GRIK1: variants seen among roughly 807,000 people sequenced by gnomAD.
The protein encoded by GRIK1 is glutamate ionotropic receptor kainate type subunit 1, also known as glutamate receptor ionotropic, kainate 1.
A neutral mutation model predicts 105.7 loss-of-function variants in GRIK1; 69 were observed. The observed-to-expected ratio is 0.65, with a 90% confidence interval of 0.54 to 0.80. The LOEUF is 0.80. Ranked by LOEUF, GRIK1 falls within the 30% of genes least tolerant of loss-of-function variation. GRIK1 has a pLI of 0.00. For missense variants in GRIK1, 1,109 were observed against 1,167.3 expected, an observed-to-expected ratio of 0.95 and a Z score of 0.73; for synonymous variants, 438 against 431.3, an observed-to-expected ratio of 1.02 and a Z score of -0.19.
chr21:29,588,211 T>G (rs921618372), intron 11 of GRIK1, among the ~76,000 whole-genome samples: 1 of 152,038 alleles, frequency 6.6e-6, no homozygotes, highest in Non-Finnish European at 1.5e-5. Context: ...CCTGACCTTG[T>G]GATCCGCCTG....
At chr21:29,822,329 C>G (rs560913661) in intron 1 of GRIK1, among the ~76,000 whole-genome samples, 1 of 152,036 alleles carries the variant, frequency 6.6e-6, no homozygotes, top group South Asian at 2.1e-4. Flanking sequence ...GTTTCCTGAC[C>G]CTTGAATATT....
intron 14 of GRIK1, among the ~76,000 whole-genome samples, chr21:29,565,756 T>G (rs2090598144): frequency 6.6e-6 from 1 of 152,186 alleles, no homozygotes; most frequent in Non-Finnish European, 1.5e-5. Context: ...TTTCTATCAC[T>G]AGGCAACTGC....
At chr21:29,914,466 G>C (rs755380959) in intron 1 of GRIK1, among the ~76,000 whole-genome samples, 20 of 152,058 alleles carry the variant, frequency 1.3e-4, no homozygotes, top group Non-Finnish European at 2.6e-4. Context: ...TTAAGACTTG[G>C]GGCAATGGCA....
intron 1 of GRIK1, among the ~76,000 whole-genome samples, chr21:29,770,356 T>C (rs2065784295): frequency 6.6e-6 from 1 of 152,198 alleles, no homozygotes; most frequent in Admixed American, 6.5e-5. Context: ...TCTGCTTCCT[T>C]CCATATGTGA....
intron 1 of GRIK1, among the ~76,000 whole-genome samples, chr21:29,852,402 A>G (rs2068336349): frequency 1.3e-5 from 2 of 152,180 alleles, no homozygotes; most frequent in African/African-American, 4.8e-5. Flanking sequence ...ATTTCCCAAA[A>G]TTCAGACTAA....
chr21:29,878,234 C>A lies in GRIK1; in HGVS notation c.118+61149G>T, dbSNP rs147986999. Among the ~76,000 whole-genome samples, 649 of 152,076 alleles carry A rather than the reference C, an allele frequency of 4.3e-3. 4 individuals are homozygous for A. Among genetic ancestry groups the A allele is most frequent in the African/African-American group, 0.015 (619 of 41,482 alleles). On this transcript the variant is annotated intron_variant, in intron 1 of 17. Transcript: ENST00000327783. ...TGGTTTGTAGGTAGAAGACAGCAGG[C>A]AAAAGAGGTCACCTATAGCCTCAGC... is the stretch of plus-strand genomic sequence containing the variant.
intron 7 of GRIK1, among the ~76,000 whole-genome samples, chr21:29,631,742 T>C (rs1228783486): frequency 6.6e-6 from 1 of 152,250 alleles, no homozygotes; most frequent in African/African-American, 2.4e-5. Flanking sequence ...GATGACATTA[T>C]GAAATGCTAA....
intron 1 of GRIK1, among the ~76,000 whole-genome samples, chr21:29,815,411 G>A (rs2067129053): frequency 6.6e-6 from 1 of 152,154 alleles, no homozygotes; most frequent in African/African-American, 2.4e-5. Flanking sequence ...CACAGTGTCT[G>A]TCACCTTGTA....
chr21:29,653,570 A>C (rs761629773), intron 5 of GRIK1, among the ~76,000 whole-genome samples: 3 of 152,206 alleles, frequency 2.0e-5, no homozygotes, highest in Admixed American at 6.5e-5. Context: ...GGAGGTAGAA[A>C]GTTCCGAGGC....
intron 1 of GRIK1, among the ~76,000 whole-genome samples, chr21:29,778,105 A>G (rs757054058): frequency 6.6e-6 from 1 of 152,202 alleles, no homozygotes; most frequent in Non-Finnish European, 1.5e-5. Context: ...AAAAAACTTA[A>G]TATAGAACCT....
intron 1 of GRIK1, among the ~76,000 whole-genome samples, chr21:29,756,120 G>A (rs2065332143): frequency 1.3e-5 from 2 of 152,098 alleles, no homozygotes; most frequent in Admixed American, 6.5e-5. Flanking sequence ...GGTGGCTCAC[G>A]CCTGTAATCC....
intron 14 of GRIK1, among the ~76,000 whole-genome samples, chr21:29,572,607 T>C (rs1479456281): frequency 6.6e-6 from 1 of 152,216 alleles, no homozygotes; most frequent in South Asian, 2.1e-4. Context: ...AGACCGAGTT[T>C]CTACTCTCAT....
At chr21:29,625,654 T>G (rs2062107986) in intron 7 of GRIK1, among the ~76,000 whole-genome samples, 1 of 152,204 alleles carries the variant, frequency 6.6e-6, no homozygotes, top group Non-Finnish European at 1.5e-5. Context: ...TGTGACCAAA[T>G]GTATGCAAAT....
intron 1 of GRIK1, among the ~76,000 whole-genome samples, chr21:29,704,540 T>C (rs561764308): frequency 6.6e-6 from 1 of 152,320 alleles, no homozygotes; most frequent in African/African-American, 2.4e-5. Context: ...AATGCAATGA[T>C]TTGGTCATAG....
chr21:29,537,582 T>A, intron 17 of GRIK1, 197 bp from the exon 18 acceptor site: 1 of 668,564 alleles, frequency 1.5e-6, no homozygotes, highest in Non-Finnish European at 2.7e-6. Flanking sequence ...AGATGGCAAG[T>A]TAGCTGGGCA....
At position 29,560,354 on chromosome 21, in the gene GRIK1, T is replaced by C. The variant is rs1294964156; in HGVS notation, c.2356+1270A>G. Among the ~76,000 whole-genome samples, 178 of 103,166 alleles carry C rather than the reference T, an allele frequency of 1.7e-3. 3 individuals carry two copies. The highest frequency in any genetic ancestry group is 3.5e-3 in the East Asian group (13 of 3,728). 67.7% of individuals were successfully genotyped at this position (103,166 alleles called of 152,430 possible). A position where few individuals can be genotyped will look rare whatever the true frequency, so the allele number is the denominator to read the frequency against. The stretch of plus-strand genomic sequence containing the variant: ...TTCTTTCTTTCTTTCTTTCTTTCTT[T>C]CTTTTTCTTTCTTCCTTCCTTCCTT... On this transcript the variant is annotated intron_variant, in intron 15 of 17. Transcript: ENST00000327783.
chr21:29,824,441 A>C (rs8134856), intron 1 of GRIK1, among the ~76,000 whole-genome samples: 1,858 of 152,114 alleles, frequency 0.012, 36 homozygotes, highest in African/African-American at 0.043. Flanking sequence ...ATGAAAAGTT[A>C]AACATATAAA....
intron 4 of GRIK1, among the ~76,000 whole-genome samples, chr21:29,662,521 A>G (rs1042083207): frequency 6.6e-6 from 1 of 152,220 alleles, no homozygotes; most frequent in African/African-American, 2.4e-5. Flanking sequence ...TTGAATTATT[A>G]TCTACCCCAG....
chr21:29,938,391 G>T (rs375903352), intron 1 of GRIK1, among the ~76,000 whole-genome samples: 200 of 152,360 alleles, frequency 1.3e-3, no homozygotes, highest in African/African-American at 4.5e-3. Flanking sequence ...GATGGGTTGG[G>T]AAAGGAGGAG....
Sources: gnomAD v4.1 joint callset for allele counts (sites outside exome capture counted in the v4.1 genomes callset) on GRCh38, gnomAD v4.1.1 for gene constraint, MANE v1.5 for transcripts, NCBI Gene and HGNC (gene_info 2026-07-23, HGNC 2026-07-21) for gene names.